Variants in ACSS3 observed in about 807,000 individuals in gnomAD.
ACSS3 encodes the protein acyl-CoA synthetase short chain family member 3.
A neutral mutation model predicts 84.2 loss-of-function variants in ACSS3; 64 were observed. That is an observed-to-expected ratio of 0.76 (90% confidence interval 0.62 to 0.94). The LOEUF (loss-of-function observed/expected upper bound fraction) is 0.94. Ranked by LOEUF, ACSS3 falls within the 40% of genes least tolerant of loss-of-function variation. ACSS3 has a pLI of 0.00. For synonymous variants in ACSS3, 317 were observed against 310.1 expected (o/e 1.02, Z -0.23); for missense variants, 815 against 867.6 (o/e 0.94, Z 0.76).
intron 5 of ACSS3, among the ~76,000 whole-genome samples, chr12:81,147,398 C>G (rs1886392215): frequency 6.6e-6 from 1 of 152,142 alleles, no homozygotes; most frequent in Admixed American, 6.5e-5. Flanking sequence ...TATTAAATGC[C>G]TATTCTATCC....
rs768822823 is a variant in ACSS3 at position 81,199,360 on chromosome 12, G to A, written c.1270G>A (p.Ala424Thr). 2.5e-6 allele frequency: 4 copies of A among 1,613,212 alleles called. No individual in the cohort carries two copies. The highest frequency in any genetic ancestry group is 3.4e-6 in the Non-Finnish European group (4 of 1,179,622). ...SLTRFKTLFV[A>T]GERCDVETLE... ...ATTCAGGTTCAAAACATTATTTGTG[G>A]CTGGAGAACGATGTGATGTAGAGAC... The change falls in exon 9 of 16, where the codon GCT becomes ACT. Residue 424 changes from alanine (A) to threonine (T), a missense_variant. Physicochemically the swap from Ala to Thr is moderately conservative, Grantham distance 58. Coordinates refer to ENST00000548058, the MANE Select transcript of ACSS3 (RefSeq NM_024560.4).
At chr12:81,170,954 A>G (rs2029990148) in intron 7 of ACSS3, among the ~76,000 whole-genome samples, 1 of 152,132 alleles carries the variant, frequency 6.6e-6, no homozygotes, top group Admixed American at 6.6e-5. Flanking sequence ...TTAATAATAA[A>G]AGATTCTTAC....
chr12:81,103,592 A>T (rs746468528), intron 1 of ACSS3, among the ~76,000 whole-genome samples: 3 of 152,192 alleles, frequency 2.0e-5, no homozygotes, highest in Non-Finnish European at 4.4e-5. Flanking sequence ...CCTCTGGACC[A>T]TGCTGATTTG....
At chr12:81,092,299 C>G (rs894356108) in intron 1 of ACSS3, among the ~76,000 whole-genome samples, 2 of 151,946 alleles carry the variant, frequency 1.3e-5, no homozygotes, top group Non-Finnish European at 2.9e-5. Flanking sequence ...CTCTAAAAAA[C>G]AATGTTACAC....
At chr12:81,248,430 T>C (rs1323618090) in intron 13 of ACSS3, among the ~76,000 whole-genome samples, 2 of 151,992 alleles carry the variant, frequency 1.3e-5, no homozygotes, top group Admixed American at 1.3e-4. Context: ...TGGATTTCAT[T>C]ATGTTAAGTG....
Position 81,152,072 on chromosome 12 carries a change from T to TGGTCCATAA in ACSS3, c.1076_1077insTCCATAAGG (p.Gly359_Asn360insProTer), listed in dbSNP as rs1440850160. Reference sequence around the variant, plus strand: ...ATATCTGCTATGGACCTCTTCTTCATGGGAACACAACAGTTTTATATGAGG... The same window carrying TGGTCCATAA: ...ATATCTGCTATGGACCTCTTCTTCATGGTCCATAAGGGAACACAACAGTTTTATATGAGG... On this transcript the variant is annotated stop_gained and inframe_insertion, in exon 7 of 16. Coordinates refer to ENST00000548058, the MANE Select transcript of ACSS3 (RefSeq NM_024560.4). LOFTEE classifies it high-confidence loss of function. 6.2e-7 allele frequency: 1 copy of TGGTCCATAA among 1,613,026 alleles called. No homozygotes were observed. The highest frequency in any genetic ancestry group is 8.5e-7 in the Non-Finnish European group (1 of 1,179,608).
At chr12:81,198,546 C>G (rs1157366133) in intron 8 of ACSS3, among the ~76,000 whole-genome samples, 1 of 151,116 alleles carries the variant, frequency 6.6e-6, no homozygotes, top group African/African-American at 2.4e-5. Flanking sequence ...CACACACACA[C>G]ACACTTTTTA....
At chr12:81,103,246 A>T (rs61934929) in intron 1 of ACSS3, among the ~76,000 whole-genome samples, 160 of 152,324 alleles carry the variant, frequency 1.1e-3, no homozygotes, top group Non-Finnish European at 1.9e-3. Flanking sequence ...CTACATAACA[A>T]GTGTGTTTGT....
chr12:81,148,842 A>G (rs781311605), intron 5 of ACSS3, among the ~76,000 whole-genome samples: 139 of 149,258 alleles, frequency 9.3e-4, no homozygotes, highest in Middle Eastern at 3.5e-3. Flanking sequence ...CGGGCAGATC[A>G]CGAGGTCTGG....
In ACSS3 at chr12:81,152,038, G is replaced by A. The variant is rs1241252353; in HGVS notation, c.1040G>A (p.Gly347Glu). The A allele has an allele frequency of 1.2e-6, 2 of 1,613,480 alleles. No homozygotes were observed. The highest frequency in any genetic ancestry group is 2.2e-5 in the East Asian group (1 of 44,850). Residue 347 changes from glycine to glutamate, a missense_variant, in exon 7 of 16, where the codon GGA becomes GAA. Transcript: ENST00000548058. The part of the protein sequence containing the change: ...WAASDLGWVV[G>E]HSYICYGPLL... ...GCTTCTGACTTAGGCTGGGTTGTTG[G>A]ACATTCCTATATCTGCTATGGACCT... is the stretch of plus-strand genomic sequence containing the variant.
chr12:81,189,532 C>G (rs2031456338), intron 8 of ACSS3, among the ~76,000 whole-genome samples: 1 of 152,020 alleles, frequency 6.6e-6, no homozygotes, highest in Non-Finnish European at 1.5e-5. Context: ...TTATTCAAGT[C>G]TTTTGCAAAT....
At chr12:81,141,433 A>G (rs1886088692) in intron 4 of ACSS3, among the ~76,000 whole-genome samples, 1 of 152,186 alleles carries the variant, frequency 6.6e-6, no homozygotes, top group Non-Finnish European at 1.5e-5. Flanking sequence ...CCTCAGGCAA[A>G]CAATGATGGA....
At chr12:81,155,921 A>C (rs879735678) in intron 7 of ACSS3, among the ~76,000 whole-genome samples, 1 of 152,232 alleles carries the variant, frequency 6.6e-6, no homozygotes, top group Non-Finnish European at 1.5e-5. Context: ...TGACATTCAT[A>C]GAAAACTATT....
chr12:81,078,068 G>A, upstream of ACSS3: 1 of 1,439,192 alleles, frequency 6.9e-7, no homozygotes, highest in South Asian at 1.5e-5. Context: ...GCCCCAGGAA[G>A]TTGCAAGAGT....
At chr12:81,157,743 G>T (rs1245722415) in intron 7 of ACSS3, among the ~76,000 whole-genome samples, 2 of 152,128 alleles carry the variant, frequency 1.3e-5, no homozygotes, top group African/African-American at 4.8e-5. Flanking sequence ...GGAGGTGGAA[G>T]TTGCAGTGAG....
rs533350628 is a variant in ACSS3 at position 81,154,540 on chromosome 12, T to G, written c.1098+2444T>G. 4.9e-4 allele frequency among the ~76,000 whole-genome samples: 75 copies of G among 152,378 alleles called. 1 individual carries two copies. In the South Asian group the frequency reaches 0.011, roughly 23 times the overall value. On this transcript the variant is annotated intron_variant, in intron 7 of 15. Coordinates refer to ENST00000548058, the MANE Select transcript of ACSS3 (RefSeq NM_024560.4). ...CTTTCTCTGGTCACAAAACCAAGTCTTTTAGACCTTTGCCTGCTTCAACTA... is the reference window on the plus strand; with the variant it reads ...CTTTCTCTGGTCACAAAACCAAGTCGTTTAGACCTTTGCCTGCTTCAACTA...
chr12:81,219,659 A>C (rs2033036975), intron 10 of ACSS3, among the ~76,000 whole-genome samples: 1 of 152,042 alleles, frequency 6.6e-6, no homozygotes, highest in African/African-American at 2.4e-5. Flanking sequence ...GTGTGTTTGA[A>C]AACTTCATTT....
intron 8 of ACSS3, among the ~76,000 whole-genome samples, chr12:81,178,875 A>G (rs144255167): frequency 2.4e-4 from 37 of 152,346 alleles, no homozygotes; most frequent in African/African-American, 7.9e-4. Flanking sequence ...CAGAGGCATT[A>G]TACTACCTGA....
At position 81,112,334 on chromosome 12, in the gene ACSS3, G is replaced by A. The variant is rs530619219; in HGVS notation, c.456+2630G>A. Reference sequence around the variant, plus strand: ...ATTTGATACATAATCAAACATCGCAGTCAGGGAAAAAGCTTTAGAGAAACC... The same window carrying A: ...ATTTGATACATAATCAAACATCGCAATCAGGGAAAAAGCTTTAGAGAAACC... On this transcript the variant is annotated intron_variant, in intron 2 of 15. Coordinates refer to ENST00000548058, the MANE Select transcript of ACSS3 (RefSeq NM_024560.4). Among the ~76,000 whole-genome samples the A allele has an allele frequency of 2.0e-5, 3 of 152,284 alleles. No individual in the cohort carries two copies. The South Asian group carries it at 6.2e-4, about 32-fold the overall frequency.
Sources: allele counts gnomAD v4.1 joint callset (sites outside exome capture counted in the v4.1 genomes callset), GRCh38; gene constraint gnomAD v4.1.1; transcripts MANE v1.5; gene names NCBI Gene and HGNC (gene_info 2026-07-23, HGNC 2026-07-21).